THADA: variants seen among roughly 807,000 people sequenced by gnomAD.
THADA encodes tRNA (32-2'-O)-methyltransferase regulator THADA.
A neutral mutation model predicts 219.8 loss-of-function variants in THADA; 213 were observed. The observed-to-expected ratio is 0.97, with a 90% CI of 0.87 to 1.09. The LOEUF is 1.09. Ranked by LOEUF, THADA falls within the 50% of genes least tolerant of loss-of-function variation. THADA has a pLI of 0.00. For missense variants in THADA, 2,956 were observed against 2,311.3 expected (o/e 1.28, Z -5.72); for synonymous variants, 1,018 against 828.9 (o/e 1.23, Z -3.92).
At chr2:43,379,312 A>C (rs1479322332) in intron 29 of THADA, among the ~76,000 whole-genome samples, 1 of 152,232 alleles carries the variant, frequency 6.6e-6, no homozygotes, top group African/African-American at 2.4e-5. Flanking sequence ...GAGTTAAAAA[A>C]ACACACAACT....
chr2:43,352,488 G>A (rs921833229), intron 29 of THADA, among the ~76,000 whole-genome samples: 2 of 152,086 alleles, frequency 1.3e-5, no homozygotes, highest in Non-Finnish European at 2.9e-5. Context: ...AACCTGGGAG[G>A]TGGAGGTTGC....
chr2:43,284,281 G>A (rs1673720196), intron 35 of THADA, among the ~76,000 whole-genome samples: 1 of 152,198 alleles, frequency 6.6e-6, no homozygotes, highest in Non-Finnish European at 1.5e-5. Flanking sequence ...CAAAGGCCAG[G>A]AGGCCTAGGA....
intron 28 of THADA, among the ~76,000 whole-genome samples, chr2:43,426,773 C>T (rs1016458619): frequency 6.6e-6 from 1 of 152,156 alleles, no homozygotes; most frequent in Non-Finnish European, 1.5e-5. Flanking sequence ...ATAAGAAATA[C>T]TCTCTTGAGT....
intron 26 of THADA, among the ~76,000 whole-genome samples, chr2:43,446,927 G>C (rs1187284861): frequency 6.6e-6 from 1 of 152,160 alleles, no homozygotes; most frequent in Non-Finnish European, 1.5e-5. Flanking sequence ...ATCCCATCTT[G>C]ATCTCTTCCA....
intron 28 of THADA, among the ~76,000 whole-genome samples, chr2:43,407,207 G>A (rs1263781055): frequency 1.3e-5 from 2 of 152,090 alleles, no homozygotes; most frequent in African/African-American, 4.8e-5. Flanking sequence ...CATATTTACA[G>A]TGATTGATTT....
intron 26 of THADA, among the ~76,000 whole-genome samples, chr2:43,473,601 T>C (rs1387562761): frequency 6.6e-6 from 1 of 152,082 alleles, no homozygotes; most frequent in East Asian, 1.9e-4. Context: ...TTATGGTACA[T>C]AATCGTACAT....
chr2:43,349,167 T>C (rs1667972999), intron 29 of THADA, among the ~76,000 whole-genome samples: 1 of 152,126 alleles, frequency 6.6e-6, no homozygotes, highest in South Asian at 2.1e-4. Context: ...TGGAAGCAGC[T>C]GGGAGGAGCA....
intron 36 of THADA, among the ~76,000 whole-genome samples, chr2:43,240,117 G>A (rs569884024): frequency 6.6e-6 from 1 of 152,326 alleles, no homozygotes; most frequent in South Asian, 2.1e-4. Flanking sequence ...GTGGAAGGAG[G>A]AGGTGGCTTC....
chr2:43,496,005 T>G (rs1441528782), intron 25 of THADA, among the ~76,000 whole-genome samples: 1 of 152,182 alleles, frequency 6.6e-6, no homozygotes, highest in African/African-American at 2.4e-5. Context: ...CTCAAAGGAT[T>G]CCTCTTCACA....
chr2:43,241,611 T>TCTCA (rs1446926303), intron 36 of THADA, among the ~76,000 whole-genome samples: 9 of 150,972 alleles, frequency 6.0e-5, no homozygotes, highest in Admixed American at 5.9e-4. Flanking sequence ...TCAGGGCAAT[T>TCTCA]CTCATAAAGA....
intron 7 of THADA, among the ~76,000 whole-genome samples, chr2:43,584,156 G>A (rs2104120043): frequency 6.6e-6 from 1 of 151,508 alleles, no homozygotes; most frequent in East Asian, 1.9e-4. Context: ...ACAGGAAGTA[G>A]AATAGAGGTT....
intron 8 of THADA, among the ~76,000 whole-genome samples, chr2:43,579,769 A>G (rs750876562): frequency 9.9e-5 from 15 of 152,172 alleles, no homozygotes; most frequent in Non-Finnish European, 1.8e-4. Context: ...CAGCAGTCAT[A>G]TGGCAACCAC....
At chr2:43,577,338 A>C (rs1243299000) in intron 9 of THADA, 96 bp from the exon 10 acceptor site, 1 of 1,000,430 alleles carries the variant, frequency 1.0e-6, no homozygotes, top group Non-Finnish European at 1.5e-6. Context: ...CCCCTGAAAA[A>C]TCCTAGGAAA....
chr2:43,424,276 G>T (rs1466581095), intron 28 of THADA, among the ~76,000 whole-genome samples: 3 of 152,196 alleles, frequency 2.0e-5, no homozygotes, highest in African/African-American at 7.2e-5. Flanking sequence ...AAAAGCTCTT[G>T]TTGGCGCTTT....
chr2:43,518,189 A>G (rs1691968648), intron 22 of THADA, among the ~76,000 whole-genome samples: 1 of 152,212 alleles, frequency 6.6e-6, no homozygotes, highest in Non-Finnish European at 1.5e-5. Flanking sequence ...AGGGAGCTCA[A>G]TAAATATTTG....
intron 29 of THADA, among the ~76,000 whole-genome samples, chr2:43,347,561 T>C (rs1667772167): frequency 1.3e-5 from 2 of 152,214 alleles, no homozygotes; most frequent in Admixed American, 6.5e-5. Flanking sequence ...CTTTAGTTAA[T>C]AATAATGTGT....
At chr2:43,296,096 A>G (rs1271800876) in intron 31 of THADA, among the ~76,000 whole-genome samples, 1 of 150,176 alleles carries the variant, frequency 6.7e-6, no homozygotes, top group African/African-American at 2.5e-5. Context: ...ATTTTTGTAT[A>G]TTTAGTAGAG....
At chr2:43,384,524 C>G (rs1365713319) in intron 29 of THADA, among the ~76,000 whole-genome samples, 1 of 152,234 alleles carries the variant, frequency 6.6e-6, no homozygotes. Context: ...AATGTACATA[C>G]TGAACACACA....
At position 43,552,352 on chromosome 2, in the gene THADA, A is replaced by C; in HGVS notation, c.2675-13T>G. 1 of 1,581,912 alleles carries C rather than the reference A, an allele frequency of 6.3e-7. No individual in the cohort carries two copies. Among genetic ancestry groups the C allele is most frequent in the Admixed American group, 2.0e-5 (1 of 50,486 alleles). ...AAGCATTTGATAACTAGAAAAAGCAAACAGAAAATCAAAGTAATGTCAATC... is the reference window on the plus strand; with the variant it reads ...AAGCATTTGATAACTAGAAAAAGCACACAGAAAATCAAAGTAATGTCAATC... On this transcript the variant is annotated splice_polypyrimidine_tract_variant and intron_variant, in intron 17 of 37. Coordinates refer to ENST00000405975, the MANE Select transcript of THADA (RefSeq NM_022065.5).
Sources: allele counts gnomAD v4.1 joint callset (sites outside exome capture counted in the v4.1 genomes callset), GRCh38; gene constraint gnomAD v4.1.1; transcripts MANE v1.5; gene names NCBI Gene and HGNC (gene_info 2026-07-23, HGNC 2026-07-21).